TAFA1: variants seen among roughly 807,000 people sequenced by gnomAD.
The protein encoded by TAFA1 is TAFA chemokine like family member 1.
In TAFA1, 4 loss-of-function variants were observed where a neutral mutation model predicts 18.5. That is an observed-to-expected ratio of 0.22 (90% CI 0.11 to 0.49). The LOEUF (loss-of-function observed/expected upper bound fraction) is 0.49. Ranked by LOEUF, TAFA1 falls within the 20% of genes least tolerant of loss-of-function variation. TAFA1 has a pLI of 0.98. For missense variants in TAFA1, 147 were observed against 169.0 expected (o/e 0.87, Z 0.72); for synonymous variants, 56 against 55.2 (o/e 1.01, Z -0.06).
intron 3 of TAFA1, among the ~76,000 whole-genome samples, chr3:68,445,547 G>A (rs1039879): frequency 0.72 from 108,949 of 152,078 alleles, 39,491 homozygotes; most frequent in East Asian, 0.83. Context: ...ACTGAAATTA[G>A]CATTCAGCGT....
chr3:68,438,548 T>C (rs2071306194), intron 3 of TAFA1, among the ~76,000 whole-genome samples: 1 of 152,052 alleles, frequency 6.6e-6, no homozygotes, highest in African/African-American at 2.4e-5. Flanking sequence ...GTCTTGGTGT[T>C]AGTCCCACTC....
At chr3:68,096,256 G>A (rs1469721211) in intron 2 of TAFA1, among the ~76,000 whole-genome samples, 1 of 152,052 alleles carries the variant, frequency 6.6e-6, no homozygotes, top group Non-Finnish European at 1.5e-5. Context: ...CACATGACAA[G>A]ATTTCATTCT....
At chr3:68,308,533 C>A (rs2068459448) in intron 2 of TAFA1, among the ~76,000 whole-genome samples, 1 of 152,124 alleles carries the variant, frequency 6.6e-6, no homozygotes, top group East Asian at 1.9e-4. Flanking sequence ...ACATGCTAAC[C>A]AATTGCACCA....
chr3:68,259,146 G>T (rs2067357401), intron 2 of TAFA1, among the ~76,000 whole-genome samples: 2 of 152,132 alleles, frequency 1.3e-5, no homozygotes, highest in South Asian at 4.1e-4. Flanking sequence ...GTGGGTCTTT[G>T]GGACTGCATT....
chr3:68,175,666 A>G (rs1028811887), intron 2 of TAFA1, among the ~76,000 whole-genome samples: 1 of 152,062 alleles, frequency 6.6e-6, no homozygotes, highest in African/African-American at 2.4e-5. Context: ...CCTGTTTTTG[A>G]TTTTACAGGC....
At chr3:68,135,583 T>C (rs2065597614) in intron 2 of TAFA1, among the ~76,000 whole-genome samples, 2 of 152,186 alleles carry the variant, frequency 1.3e-5, no homozygotes, top group Admixed American at 1.3e-4. Context: ...TAAACCACCA[T>C]CTCATAGGGT....
intron 3 of TAFA1, among the ~76,000 whole-genome samples, chr3:68,477,571 G>C (rs1432980732): frequency 6.6e-6 from 1 of 151,976 alleles, no homozygotes; most frequent in Non-Finnish European, 1.5e-5. Context: ...AGTAGAGATG[G>C]GGTTTCACTA....
intron 2 of TAFA1, among the ~76,000 whole-genome samples, chr3:68,414,166 G>A (rs984357817): frequency 6.6e-6 from 1 of 152,112 alleles, no homozygotes; most frequent in African/African-American, 2.4e-5. Context: ...AATTAGCTGG[G>A]CATGGTGGTG....
At chr3:68,285,655 G>C (rs1424366578) in intron 2 of TAFA1, among the ~76,000 whole-genome samples, 2 of 152,046 alleles carry the variant, frequency 1.3e-5, no homozygotes, top group African/African-American at 4.8e-5. Context: ...AGAAGTAACT[G>C]TTACAGATTA....
chr3:68,214,831 T>G (rs933682293), intron 2 of TAFA1, among the ~76,000 whole-genome samples: 7 of 152,152 alleles, frequency 4.6e-5, no homozygotes, highest in African/African-American at 1.7e-4. Flanking sequence ...ATTGTCCCTG[T>G]TTTTTAAATA....
At chr3:68,166,796 G>A (rs1385382855) in intron 2 of TAFA1, among the ~76,000 whole-genome samples, 1 of 152,068 alleles carries the variant, frequency 6.6e-6, no homozygotes, top group Non-Finnish European at 1.5e-5. Context: ...TCAGGAAGAG[G>A]CTGGAGGTTT....
Position 68,395,087 on chromosome 3 carries a change from T to G in TAFA1, c.119-22193T>G, listed in dbSNP as rs904162809. On this transcript the variant is annotated intron_variant, in intron 2 of 4. Coordinates refer to ENST00000478136, the MANE Select transcript of TAFA1 (RefSeq NM_213609.4). ...TAATATCCAGAAACTACAAGGAACT[T>G]AAATTTGCAAGAAGAAAGCTAACAA... is the stretch of plus-strand genomic sequence containing the variant. 6.7e-5 allele frequency among the ~76,000 whole-genome samples: 10 copies of G among 150,020 alleles called. 1 individual carries two copies. In the East Asian group the frequency reaches 2.0e-3, roughly 29 times the overall value.
rs1052430679 is a variant in TAFA1 at position 68,377,679 on chromosome 3, G to A, written c.119-39601G>A. 2.0e-5 allele frequency among the ~76,000 whole-genome samples: 3 copies of A among 152,180 alleles called. No individual in the cohort carries two copies. In the South Asian group the frequency reaches 6.2e-4, roughly 31 times the overall value. ...GGGAAAATGTCTCCAGGGCATGTCA[G>A]AGATCTTAGCAGTATCCCCTCCCAT... On this transcript the variant is annotated intron_variant, in intron 2 of 4. Coordinates refer to ENST00000478136, the MANE Select transcript of TAFA1 (RefSeq NM_213609.4).
At chr3:68,169,699 A>T (rs765818496) in intron 2 of TAFA1, among the ~76,000 whole-genome samples, 1 of 152,262 alleles carries the variant, frequency 6.6e-6, no homozygotes, top group Non-Finnish European at 1.5e-5. Context: ...ATGAGTCTGT[A>T]TCTCACTCTG....
chr3:68,497,904 C>T (rs1429206113), intron 3 of TAFA1, among the ~76,000 whole-genome samples: 2 of 152,102 alleles, frequency 1.3e-5, no homozygotes, highest in Non-Finnish European at 2.9e-5. Flanking sequence ...GAGAAAAATG[C>T]TCAGCAGTCA....
At chr3:68,259,994 G>A (rs1575720099) in intron 2 of TAFA1, among the ~76,000 whole-genome samples, 1 of 152,066 alleles carries the variant, frequency 6.6e-6, no homozygotes, top group Non-Finnish European at 1.5e-5. Flanking sequence ...AGTGGTGAGA[G>A]AGGGCATCCC....
At chr3:68,116,503 T>C (rs747737118) in intron 2 of TAFA1, among the ~76,000 whole-genome samples, 1 of 152,212 alleles carries the variant, frequency 6.6e-6, no homozygotes, top group Non-Finnish European at 1.5e-5. Flanking sequence ...ATTCTTTCAA[T>C]GAAATTAACA....
At chr3:68,313,717 C>A (rs2068560428) in intron 2 of TAFA1, among the ~76,000 whole-genome samples, 1 of 152,120 alleles carries the variant, frequency 6.6e-6, no homozygotes, top group African/African-American at 2.4e-5. Context: ...AAATAAAAGC[C>A]CTAATCCTCA....
At chr3:68,288,973 AG>A (rs1400193664) in intron 2 of TAFA1, among the ~76,000 whole-genome samples, 1 of 152,196 alleles carries the variant, frequency 6.6e-6, no homozygotes, top group Non-Finnish European at 1.5e-5. Context: ...GTTTCCAAGG[AG>A]GTTAGCTCAT....
Sources: gnomAD v4.1 joint callset for allele counts (sites outside exome capture counted in the v4.1 genomes callset) on GRCh38, gnomAD v4.1.1 for gene constraint, MANE v1.5 for transcripts, NCBI Gene and HGNC (gene_info 2026-07-23, HGNC 2026-07-21) for gene names.